KCNK2: variants seen among roughly 807,000 people sequenced by gnomAD.
KCNK2 encodes the protein potassium channel subfamily K member 2.
A neutral mutation model predicts 40.5 loss-of-function variants in KCNK2; 21 were observed. The ratio of observed to expected loss-of-function variants is 0.52; its 90% confidence interval spans 0.37 to 0.75. The LOEUF (loss-of-function observed/expected upper bound fraction) is 0.75. KCNK2 is among the 30% of genes least tolerant of loss of function. KCNK2 has a pLI of 0.00. For missense variants in KCNK2, 399 were observed against 531.6 expected (o/e 0.75, Z 2.45); for synonymous variants, 191 against 202.2 (o/e 0.94, Z 0.47).
Position 215,124,667 on chromosome 1 carries a change from C to A in KCNK2, c.392C>A (p.Pro131Gln), listed in dbSNP as rs150182247. The stretch of plus-strand genomic sequence containing the variant: ...GCAGCAATAAATGCAGGGATTATAC[C>A]GTTAGGAAACACCTCCAATCAAATC... The part of the protein sequence containing the change: ...IVAAINAGII[P>Q]LGNTSNQISH... The change falls in exon 3 of 7, where the codon CCG becomes CAG. Residue 131 changes from proline (P) to glutamine (Q), a missense_variant. Transcript: ENST00000444842. 1 of 1,612,172 alleles carries A rather than the reference C, an allele frequency of 6.2e-7. No individual in the cohort carries two copies. The highest frequency in any genetic ancestry group is 8.5e-7 in the Non-Finnish European group (1 of 1,178,530).
intron 6 of KCNK2, among the ~76,000 whole-genome samples, chr1:215,230,528 T>TATACACACATAACAGCC (rs1553276494): frequency 1.1e-5 from 1 of 87,974 alleles, no homozygotes; most frequent in East Asian, 7.0e-4. Context: ...TATATATATA[T>TATACACACATAACAGCC]ATATGTATAT....
At chr1:215,031,552 C>T (rs1657190680) in intron 1 of KCNK2, among the ~76,000 whole-genome samples, 1 of 152,236 alleles carries the variant, frequency 6.6e-6, no homozygotes, top group South Asian at 2.1e-4. Flanking sequence ...AAGTTTTGAG[C>T]ACCAACAAGA....
intron 2 of KCNK2, among the ~76,000 whole-genome samples, chr1:215,097,004 A>C (rs1170692779): frequency 6.6e-6 from 1 of 151,882 alleles, no homozygotes; most frequent in Non-Finnish European, 1.5e-5. Flanking sequence ...CCAGCATCTA[A>C]GTGGGATCTG....
Position 215,083,399 on chromosome 1 carries a change from C to G in KCNK2, c.14C>G (p.Ala5Gly). The change falls in exon 1 of 7, where the codon GCC becomes GGC. Residue 5 changes from alanine (A) to glycine (G), a missense_variant. Ala to Gly is a moderately conservative substitution (Grantham distance 60). This residue lies in a region of KCNK2 where 279 missense variants were observed against 353.8 expected (regional missense o/e 0.79). Coordinates refer to ENST00000444842, the MANE Select transcript of KCNK2 (RefSeq NM_001017425.3). ...GCTGCATGCCTCATGCTTCCCAGCG[C>G]CTCGCGGGAGAGACCCGGCTATAGA... MLPS[A>G]SRERPGYRAG... is the part of the protein sequence containing the mutation. 6.2e-7 allele frequency: 1 copy of G among 1,614,084 alleles called. No individual in the cohort carries two copies. The highest frequency in any genetic ancestry group is 8.5e-7 in the Non-Finnish European group (1 of 1,179,984).
intron 3 of KCNK2, among the ~76,000 whole-genome samples, chr1:215,126,182 C>T (rs944349225): frequency 6.6e-6 from 1 of 152,044 alleles, no homozygotes; most frequent in Admixed American, 6.6e-5. Context: ...TAAAAGTTTT[C>T]CTTTTACAGG....
chr1:215,005,760 A>C (rs1656105209), upstream of KCNK2: 1 of 618,510 alleles, frequency 1.6e-6, no homozygotes, highest in African/African-American at 1.8e-5. Context: ...TGTACAGGAA[A>C]CTGATCTACA....
At chr1:215,059,926 C>A (rs1658310526) in intron 1 of KCNK2, among the ~76,000 whole-genome samples, 1 of 152,180 alleles carries the variant, frequency 6.6e-6, no homozygotes, top group Non-Finnish European at 1.5e-5. Flanking sequence ...AGAGAGGAGA[C>A]CCTCCAGCAG....
chr1:215,093,922 T>C (rs1317842391), intron 2 of KCNK2, among the ~76,000 whole-genome samples: 1 of 110,550 alleles, frequency 9.0e-6, no homozygotes, highest in Non-Finnish European at 1.8e-5. Flanking sequence ...TATATAAAAA[T>C]ATATATTATT....
intron 1 of KCNK2, among the ~76,000 whole-genome samples, chr1:215,015,762 T>A (rs34087768): frequency 0.23 from 35,196 of 152,068 alleles, 4,715 homozygotes; most frequent in South Asian, 0.5. Flanking sequence ...TAGCAGAAAC[T>A]AGATGAGATC....
At chr1:215,171,899 A>C in intron 4 of KCNK2, 98 bp from the exon 5 acceptor site, 9 of 814,968 alleles carry the variant, frequency 1.1e-5, no homozygotes, top group South Asian at 2.4e-5. Context: ...GTATACAAGT[A>C]ATTTCTCTCT....
At chr1:215,075,675 T>A (rs1056432598) in intron 1 of KCNK2, among the ~76,000 whole-genome samples, 3 of 152,232 alleles carry the variant, frequency 2.0e-5, no homozygotes, top group Non-Finnish European at 4.4e-5. Context: ...TTCACACTTT[T>A]AAGCTTGAAA....
intron 6 of KCNK2, among the ~76,000 whole-genome samples, chr1:215,210,025 A>G: frequency 2.0e-5 from 1 of 49,464 alleles, no homozygotes; most frequent in African/African-American, 1.1e-4. Context: ...TATAATATAT[A>G]TTATATATAA....
intron 2 of KCNK2, among the ~76,000 whole-genome samples, chr1:215,108,155 AGGCAGAGCTCAGGT>A (rs1271435571): frequency 6.6e-6 from 1 of 152,122 alleles, no homozygotes; most frequent in African/African-American, 2.4e-5. Flanking sequence ...ATCTGACAGG[AGGCAGAGCTCAGGT>A]GGTAAAGCTC....
intron 1 of KCNK2, among the ~76,000 whole-genome samples, chr1:215,031,038 A>G (rs1657171866): frequency 6.6e-6 from 1 of 152,122 alleles, no homozygotes; most frequent in Non-Finnish European, 1.5e-5. Context: ...TTCATCGTCG[A>G]AGAACTGTTG....
In KCNK2 at chr1:215,134,960, A is replaced by G. The variant is rs1169902590; in HGVS notation, c.475+10210A>G. 2.0e-5 allele frequency among the ~76,000 whole-genome samples: 3 copies of G among 152,080 alleles called. No homozygotes were observed. The East Asian group carries it at 5.8e-4, about 29-fold the overall frequency. On this transcript the variant is annotated intron_variant, in intron 3 of 6. Coordinates refer to ENST00000444842, the MANE Select transcript of KCNK2 (RefSeq NM_001017425.3). ...GAGGAATATGAAATAAGTCATATTCAGCCTAAATAGCCTATGTTTAAAGCA... is the reference window on the plus strand; with the variant it reads ...GAGGAATATGAAATAAGTCATATTCGGCCTAAATAGCCTATGTTTAAAGCA...
chr1:215,093,291 C>T (rs983244693), intron 2 of KCNK2, among the ~76,000 whole-genome samples: 2 of 146,536 alleles, frequency 1.4e-5, no homozygotes, highest in Non-Finnish European at 3.0e-5. Flanking sequence ...TATTATTTTC[C>T]TTTAAGGGCC....
chr1:215,070,012 C>T (rs1658691018), intron 1 of KCNK2, among the ~76,000 whole-genome samples: 1 of 152,070 alleles, frequency 6.6e-6, no homozygotes, highest in African/African-American at 2.4e-5. Flanking sequence ...TTTGCATACT[C>T]ATGATGTGCA....
intron 5 of KCNK2, among the ~76,000 whole-genome samples, chr1:215,177,474 T>C (rs1210025344): frequency 1.3e-5 from 2 of 152,118 alleles, no homozygotes; most frequent in Non-Finnish European, 2.9e-5. Flanking sequence ...CTTCTAGGAT[T>C]CTTATAGTTT....
intron 6 of KCNK2, among the ~76,000 whole-genome samples, chr1:215,233,327 TA>T (rs915385141): frequency 1.5e-4 from 23 of 151,996 alleles, no homozygotes; most frequent in Non-Finnish European, 3.4e-4. Flanking sequence ...CCTGTTAAAA[TA>T]AAAAATAGAT....
Sources: gnomAD v4.1 joint callset for allele counts (sites outside exome capture counted in the v4.1 genomes callset) on GRCh38, gnomAD v4.1.1 for gene constraint, gnomAD v4.1.1 regional missense constraint, MANE v1.5 for transcripts, NCBI Gene and HGNC (gene_info 2026-07-23, HGNC 2026-07-21) for gene names.